BPIFB4: variants seen among roughly 807,000 people sequenced by gnomAD.
BPIFB4 encodes BPI fold-containing family B member 4.
Under a neutral mutation model 69.2 loss-of-function variants are expected in BPIFB4, and 62 were observed. That is an observed-to-expected ratio of 0.90 (90% CI 0.73 to 1.11). BPIFB4 has a LOEUF of 1.11. Among genes scored for constraint, BPIFB4 ranks in the 50% least tolerant of loss-of-function variants. BPIFB4 has a pLI of 0.00. For synonymous variants in BPIFB4, 330 were observed against 332.7 expected (o/e 0.99, Z 0.09); for missense variants, 789 against 792.0 (o/e 1.00, Z 0.04).
At chr20:33,084,433 C>A (rs532720803) in intron 5 of BPIFB4, among the ~76,000 whole-genome samples, 1 of 152,286 alleles carries the variant, frequency 6.6e-6, no homozygotes, top group Non-Finnish European at 1.5e-5. Flanking sequence ...TCAACAGTGG[C>A]AAGAAGTTCA....
At chr20:33,102,749 A>G (rs1981940370) in intron 14 of BPIFB4, among the ~76,000 whole-genome samples, 1 of 152,238 alleles carries the variant, frequency 6.6e-6, no homozygotes, top group Admixed American at 6.5e-5. Context: ...TGGCAAAGCT[A>G]TGATTTGAGC....
chr20:33,111,319 GAAACATGA>G, intron 17 of BPIFB4, 87 bp from the exon 18 acceptor site: 1 of 1,533,932 alleles, frequency 6.5e-7, no homozygotes, highest in Non-Finnish European at 9.0e-7. Flanking sequence ...CTGCTTCCTA[GAAACATGA>G]CCGGCCAGAT....
Position 33,086,042 on chromosome 20 carries a change from C to G in BPIFB4, c.804C>G (p.Ile268Met), listed in dbSNP as rs780209201. The G allele has an allele frequency of 1.2e-6, 2 of 1,611,706 alleles. No homozygotes were observed. Among genetic ancestry groups the G allele is most frequent in the Admixed American group, 3.3e-5 (2 of 59,972 alleles). ...CCAGTCTTATTGGCTTCCTGGACAT[C>G]GCAGTAGAAGTGAACATCACAGCCA... ...NGKSLIGFLD[I>M]AVEVNITAKV... Residue 268 changes from isoleucine (I) to methionine (M), a missense_variant, in exon 7 of 18, where the codon ATC becomes ATG. By Grantham distance (10) the Ile-to-Met change is conservative. This residue lies in a region of BPIFB4 where 611 missense variants were observed against 575.4 expected (regional missense o/e 1.06). Coordinates refer to ENST00000375483, the MANE Select transcript of BPIFB4 (RefSeq NM_182519.3).
intron 7 of BPIFB4, among the ~76,000 whole-genome samples, chr20:33,086,966 T>C (rs533439000): frequency 9.8e-5 from 15 of 152,288 alleles, no homozygotes; most frequent in African/African-American, 3.6e-4. Flanking sequence ...TCCATTATTA[T>C]CCATCTTTTG....
intron 16 of BPIFB4, among the ~76,000 whole-genome samples, chr20:33,106,368 T>TTTTC (rs1265375656): frequency 8.7e-6 from 1 of 114,864 alleles, no homozygotes; most frequent in African/African-American, 3.2e-5. Flanking sequence ...GACACAGCTC[T>TTTTC]TTTCTTTCTT....
rs774100558 is a variant in BPIFB4 at position 33,086,054 on chromosome 20, G to A, written c.816G>A (p.Val272=). Residue 272 remains valine (V), a synonymous_variant, in exon 7 of 18, where the codon GTG becomes GTA. Coordinates refer to ENST00000375483, the MANE Select transcript of BPIFB4 (RefSeq NM_182519.3). ...GCTTCCTGGACATCGCAGTAGAAGT[G>A]AACATCACAGCCAAGGTCCGGCTGA... The part of the protein sequence containing the change: ...LIGFLDIAVE[V]NITAKVRLTM... 2.1e-5 allele frequency: 34 copies of A among 1,613,002 alleles called. No individual in the cohort carries two copies. Among genetic ancestry groups the A allele is most frequent in the Non-Finnish European group, 2.8e-5 (33 of 1,179,160 alleles).
chr20:33,082,460 A>G (rs1019994863), intron 3 of BPIFB4, among the ~76,000 whole-genome samples: 10 of 151,982 alleles, frequency 6.6e-5, no homozygotes, highest in Admixed American at 1.3e-4. Context: ...CAGCCTCCTG[A>G]GTAGCTGGGA....
chr20:33,082,332 A>G (rs986382685), intron 3 of BPIFB4, among the ~76,000 whole-genome samples: 1 of 151,648 alleles, frequency 6.6e-6, no homozygotes, highest in African/African-American at 2.4e-5. Context: ...AGTTTATTTT[A>G]TTTTATTTTA....
chr20:33,099,287 C>T (rs1252427545), intron 13 of BPIFB4, among the ~76,000 whole-genome samples: 1 of 152,160 alleles, frequency 6.6e-6, no homozygotes, highest in African/African-American at 2.4e-5. Flanking sequence ...TGCCAAGCCA[C>T]AGAGTGTGGG....
chr20:33,099,160 T>A (rs1180938745), intron 13 of BPIFB4, among the ~76,000 whole-genome samples: 2 of 152,118 alleles, frequency 1.3e-5, no homozygotes, highest in African/African-American at 4.8e-5. Context: ...GCTTTGGAAC[T>A]CAGACACTTG....
rs1159516825 is a variant in BPIFB4, at chr20:33,106,106, G to C, written c.1744+1233G>C. On this transcript the variant is annotated intron_variant, in intron 16 of 17. Transcript: ENST00000375483. ...CTTTTTGAAAAGTCCTGCTGGAATA[G>C]AGAAGTCTGTTAAATTTCACTTAAT... is the stretch of plus-strand genomic sequence containing the variant. Among the ~76,000 whole-genome samples, 5 of 151,950 alleles carry C rather than the reference G, an allele frequency of 3.3e-5. 1 individual carries two copies. The highest frequency in any genetic ancestry group is 3.3e-4 in the Admixed American group (5 of 15,244).
At chr20:33,106,883 C>T (rs1982073827) in intron 16 of BPIFB4, among the ~76,000 whole-genome samples, 1 of 152,124 alleles carries the variant, frequency 6.6e-6, no homozygotes, top group Non-Finnish European at 1.5e-5. Context: ...GCAGGAGGAA[C>T]TGCAAGGACA....
chr20:33,082,574 C>T (rs1171545312), intron 3 of BPIFB4, among the ~76,000 whole-genome samples: 2 of 152,164 alleles, frequency 1.3e-5, no homozygotes, highest in Non-Finnish European at 2.9e-5. Flanking sequence ...CCTCATAATC[C>T]ACCCTCCTCA....
chr20:33,096,114 T>C (rs1260965830), intron 12 of BPIFB4, among the ~76,000 whole-genome samples: 1 of 152,164 alleles, frequency 6.6e-6, no homozygotes, highest in Admixed American at 6.5e-5. Context: ...ATTGCCCTCA[T>C]GTGGCTGCAA....
intron 9 of BPIFB4, among the ~76,000 whole-genome samples, chr20:33,089,778 A>G (rs1056583352): frequency 1.3e-5 from 2 of 152,006 alleles, no homozygotes; most frequent in Non-Finnish European, 1.5e-5. Flanking sequence ...TCTGGGAGTC[A>G]GGGGTCTGGG....
rs772761772 is a variant in BPIFB4 at position 33,086,057 on chromosome 20, C to T, written c.819C>T (p.Asn273=). 7.3e-5 allele frequency: 117 copies of T among 1,613,058 alleles called. No individual in the cohort carries two copies. Among genetic ancestry groups the T allele is most frequent in the Non-Finnish European group, 9.3e-5 (110 of 1,179,188 alleles). The change falls in exon 7 of 18, where the codon AAC becomes AAT. Residue 273 remains asparagine (N), a synonymous_variant. Coordinates refer to ENST00000375483, the MANE Select transcript of BPIFB4 (RefSeq NM_182519.3). ...IGFLDIAVEV[N]ITAKVRLTMD... ...TCCTGGACATCGCAGTAGAAGTGAA[C>T]ATCACAGCCAAGGTCCGGCTGACCA...
In BPIFB4 at chr20:33,097,843, G is replaced by T; in HGVS notation, c.1569+56G>T. 2.0e-6 allele frequency: 3 copies of T among 1,509,030 alleles called. No homozygotes were observed. The South Asian group carries it at 3.7e-5, about 18-fold the overall frequency. The allele number at this position is 1,509,030 out of a possible 1,614,324, so 93.5% of individuals were successfully genotyped here. On this transcript the variant is annotated intron_variant, in intron 13 of 17. Coordinates refer to ENST00000375483, the MANE Select transcript of BPIFB4 (RefSeq NM_182519.3). ...GCTGGGCCTCAAGACAGAGCCACAT[G>T]GTCTCCTGGAGCCCAAAGACCCCTT...
rs1981330160 is a variant in BPIFB4, at chr20:33,083,783, C to A, written c.586C>A (p.Leu196Ile). 2.5e-6 allele frequency: 4 copies of A among 1,613,562 alleles called. No individual in the cohort carries two copies. Among genetic ancestry groups the A allele is most frequent in the African/African-American group, 1.3e-5 (1 of 74,884 alleles). Residue 196 changes from leucine (L) to isoleucine (I), a missense_variant, in exon 5 of 18, where the codon CTC becomes ATC. Coordinates refer to ENST00000375483, the MANE Select transcript of BPIFB4 (RefSeq NM_182519.3). Reference protein sequence around the residue: ...GQGGLLGGGGLLGDGGLLGGG... With the variant: ...GQGGLLGGGGILGDGGLLGGG... ...AGGTGGCCTGCTCGGCGGAGGTGGT[C>A]TCCTTGGTGATGGAGGACTTCTTGG... is the stretch of plus-strand genomic sequence containing the variant.
chr20:33,097,461 G>A (rs1163790962), intron 12 of BPIFB4, among the ~76,000 whole-genome samples, 156 bp from the exon 13 acceptor site: 1 of 152,166 alleles, frequency 6.6e-6, no homozygotes, highest in Non-Finnish European at 1.5e-5. Flanking sequence ...GCAGCTCCTT[G>A]CCCAGTTCTC....
Sources: gnomAD v4.1 joint callset for allele counts (sites outside exome capture counted in the v4.1 genomes callset) on GRCh38, gnomAD v4.1.1 for gene constraint, gnomAD v4.1.1 regional missense constraint, MANE v1.5 for transcripts, NCBI Gene and HGNC (gene_info 2026-07-23, HGNC 2026-07-21) for gene names.